UGT1A9: variants seen among roughly 807,000 people sequenced by gnomAD.
UGT1A9 encodes the protein UDP-glucuronosyltransferase 1A9.
UGT1A9 carries 35 observed loss-of-function variants against 45.0 expected under a neutral mutation model. That is an observed-to-expected ratio of 0.78 (90% CI 0.59 to 1.03). The LOEUF is 1.03. UGT1A9 is among the 50% of genes least tolerant of loss of function. UGT1A9 has a pLI of 0.00. For missense variants in UGT1A9, 687 were observed against 666.6 expected (o/e 1.03, Z -0.34); for synonymous variants, 278 against 250.6 (o/e 1.11, Z -1.03).
chr2:233,755,100 G>A, intron 1 of UGT1A9: 9 of 1,335,078 alleles, frequency 6.7e-6, no homozygotes, highest in South Asian at 1.1e-5. Context: ...CTACGCGTCC[G>A]ACAACACCTC....
In UGT1A9 at chr2:233,755,096, G is replaced by C. The variant is rs62191920; in HGVS notation, c.856-11938G>C. 1.4e-3 allele frequency: 1,898 copies of C among 1,334,450 alleles called. 9 individuals are homozygous for C. The highest frequency in any genetic ancestry group is 1.7e-3 in the Non-Finnish European group (1,703 of 992,024). 82.7% of individuals were successfully genotyped at this position (1,334,450 alleles called of 1,614,324 possible). A position where few individuals can be genotyped will look rare whatever the true frequency, so the allele number is the denominator to read the frequency against. ...GGTCATAGATATCGCGTTTCTACGC[G>C]TCCGACAACACCTCGTAGGCCTCAG... On this transcript the variant is annotated intron_variant, in intron 1 of 4. Transcript: ENST00000354728.
chr2:233,704,593 A>G (rs1056281955), intron 1 of UGT1A9, among the ~76,000 whole-genome samples: 3 of 152,182 alleles, frequency 2.0e-5, no homozygotes, highest in Non-Finnish European at 2.9e-5. Context: ...GAGAGAAGAA[A>G]GAAGAGCAAG....
At chr2:233,738,533 C>T (rs762024449) in intron 1 of UGT1A9, among the ~76,000 whole-genome samples, 4 of 152,178 alleles carry the variant, frequency 2.6e-5, no homozygotes, top group African/African-American at 9.7e-5. Context: ...CAATGAAGTC[C>T]AGGCTGAGTC....
intron 1 of UGT1A9, among the ~76,000 whole-genome samples, chr2:233,679,851 C>A (rs2074464178): frequency 6.6e-6 from 1 of 152,138 alleles, no homozygotes; most frequent in Non-Finnish European, 1.5e-5. Flanking sequence ...ATCACATTGG[C>A]ATCTATAAAT....
intron 1 of UGT1A9, among the ~76,000 whole-genome samples, chr2:233,734,753 G>A (rs1356285127): frequency 1.3e-5 from 2 of 152,142 alleles, no homozygotes; most frequent in Non-Finnish European, 2.9e-5. Flanking sequence ...CTTTATTTCT[G>A]CCTTCACTTC....
chr2:233,726,266 G>A (rs1303281171), intron 1 of UGT1A9, among the ~76,000 whole-genome samples: 5 of 152,134 alleles, frequency 3.3e-5, no homozygotes, highest in East Asian at 1.9e-4. Context: ...AGTGGCATGC[G>A]CCTATGGTCC....
intron 1 of UGT1A9, chr2:233,690,657 C>G: frequency 7.8e-7 from 1 of 1,280,662 alleles, no homozygotes; most frequent in East Asian, 5.6e-5. Context: ...TCCTACAGCA[C>G]CAACCAGGGC....
chr2:233,715,019 G>A (rs1306215776), intron 1 of UGT1A9, among the ~76,000 whole-genome samples: 2 of 152,164 alleles, frequency 1.3e-5, no homozygotes, highest in African/African-American at 4.8e-5. Context: ...TGGAACTACA[G>A]GCGCATGGCA....
intron 1 of UGT1A9, chr2:233,755,008 C>T (rs1695684715): frequency 3.1e-6 from 4 of 1,292,406 alleles, no homozygotes; most frequent in African/African-American, 1.5e-5. Context: ...AAGACCTACT[C>T]GAAGGGGTCC....
chr2:233,756,837 CA>C (rs1471167768), intron 1 of UGT1A9, among the ~76,000 whole-genome samples: 1 of 151,888 alleles, frequency 6.6e-6, no homozygotes, highest in African/African-American at 2.4e-5. Context: ...AATGATTAAC[CA>C]AAGAACATTC....
chr2:233,743,608 G>A (rs1692376104), intron 1 of UGT1A9: 5 of 1,367,320 alleles, frequency 3.7e-6, no homozygotes, highest in Non-Finnish European at 4.9e-6. Context: ...GGCCGCCGAA[G>A]AACTCCCTGA....
chr2:233,713,182 A>G (rs935339991), intron 1 of UGT1A9: 1 of 1,614,228 alleles, frequency 6.2e-7, no homozygotes, highest in Non-Finnish European at 8.5e-7. Context: ...CTCACCCTGG[A>G]GGTGAATATG....
chr2:233,672,159 G>T lies in UGT1A9; in HGVS notation c.225G>T (p.Lys75Asn). 6.2e-7 allele frequency: 1 copy of T among 1,614,202 alleles called. No homozygotes were observed. The highest frequency in any genetic ancestry group is 8.5e-7 in the Non-Finnish European group (1 of 1,180,026). Residue 75 changes from lysine (K) to asparagine (N), a missense_variant, in exon 1 of 5, where the codon AAG (lysine) becomes AAT (asparagine). By Grantham distance (94) the Lys-to-Asn change is moderately conservative. Coordinates refer to ENST00000354728, the MANE Select transcript of UGT1A9 (RefSeq NM_021027.3). ...QLGRSLNCTV[K>N]TYSTSYTLED... Reference sequence around the variant, plus strand: ...GAAGATCACTGAATTGCACAGTGAAGACTTATTCAACTTCATATACCCTGG... The same window carrying T: ...GAAGATCACTGAATTGCACAGTGAATACTTATTCAACTTCATATACCCTGG...
Position 233,733,630 on chromosome 2 carries a change from C to A in UGT1A9, c.856-33404C>A, listed in dbSNP as rs2078422347. 1.3e-5 allele frequency among the ~76,000 whole-genome samples: 2 copies of A among 152,174 alleles called. 1 individual carries two copies. The highest frequency in any genetic ancestry group is 4.2e-4 in the South Asian group (2 of 4,816). On this transcript the variant is annotated intron_variant, in intron 1 of 4. Transcript: ENST00000354728. ...CATTTATTGATTTGCATATGTTGAA[C>A]CAGCCTTGCATCCCAAGGATGAAGC...
chr2:233,713,893 A>T (rs774657608), intron 1 of UGT1A9: 2 of 1,613,332 alleles, frequency 1.2e-6, no homozygotes, highest in Admixed American at 3.3e-5. Context: ...TCAATGTTCC[A>T]GGCAAAACAC....
intron 2 of UGT1A9, 103 bp downstream of exon 2, chr2:233,767,268 G>C: frequency 6.3e-7 from 1 of 1,584,094 alleles, no homozygotes; most frequent in Non-Finnish European, 8.5e-7. Flanking sequence ...CCTTAGATTT[G>C]GCTTTTCCCT....
chr2:233,741,851 G>T (rs1691795125), intron 1 of UGT1A9: 2 of 151,836 alleles, frequency 1.3e-5, no homozygotes, highest in South Asian at 4.1e-4. Flanking sequence ...TTGCTCTCAT[G>T]CCTTATGCAA....
At chr2:233,707,718 C>T (rs1485982903) in intron 1 of UGT1A9, among the ~76,000 whole-genome samples, 11 of 152,140 alleles carry the variant, frequency 7.2e-5, no homozygotes, top group Admixed American at 7.2e-4. Context: ...CTACTGTGAA[C>T]AATGTTACAA....
At chr2:233,713,410 AC>A in intron 1 of UGT1A9, 1 of 1,614,174 alleles carries the variant, frequency 6.2e-7, no homozygotes, top group Non-Finnish European at 8.5e-7. Context: ...CTGATCAGGC[AC>A]CTGCATGCTA....
Sources: allele counts gnomAD v4.1 joint callset (sites outside exome capture counted in the v4.1 genomes callset), GRCh38; gene constraint gnomAD v4.1.1; transcripts MANE v1.5; gene names NCBI Gene and HGNC (gene_info 2026-07-23, HGNC 2026-07-21).